Variants in NSMCE2 observed in about 807,000 individuals in gnomAD.
NSMCE2 encodes E3 SUMO-protein ligase NSE2.
In NSMCE2, 24 loss-of-function variants were observed where a neutral mutation model predicts 23.8. The observed-to-expected ratio is 1.01, with a 90% confidence interval of 0.73 to 1.42. NSMCE2 has a LOEUF of 1.42. Ranked by LOEUF, NSMCE2 falls within the 40% of genes most tolerant of loss-of-function variation. The pLI is 0.00. For synonymous variants in NSMCE2, 92 were observed against 94.1 expected (o/e 0.98, Z 0.13); for missense variants, 284 against 296.5 (o/e 0.96, Z 0.31).
rs187596386 is a variant in NSMCE2, at chr8:125,225,689, T to C, written c.418+43433T>C. Among the ~76,000 whole-genome samples, 333 of 152,364 alleles carry C rather than the reference T, an allele frequency of 2.2e-3. 7 individuals are homozygous for C. The highest frequency in any genetic ancestry group is 2.5e-3 in the Non-Finnish European group (168 of 68,028). On this transcript the variant is annotated intron_variant, in intron 5 of 7. Transcript: ENST00000287437. ...GGTATTGCCTTTTTATTTCTTGATA[T>C]ATTTTATAAGAAAATGTTTTCTCTT... is the stretch of plus-strand genomic sequence containing the variant.
chr8:125,356,453 C>T (rs577913533), intron 5 of NSMCE2, among the ~76,000 whole-genome samples: 30 of 151,488 alleles, frequency 2.0e-4, no homozygotes, highest in Middle Eastern at 3.4e-3. Flanking sequence ...CCTAGCCTCC[C>T]AAATAGCTGG....
chr8:125,254,514 C>G (rs1271120117), intron 5 of NSMCE2, among the ~76,000 whole-genome samples: 2 of 152,156 alleles, frequency 1.3e-5, no homozygotes, highest in African/African-American at 4.8e-5. Context: ...GCATGTACTT[C>G]ACCATATATA....
intron 7 of NSMCE2, among the ~76,000 whole-genome samples, chr8:125,365,758 G>A (rs1813756171): frequency 6.6e-6 from 1 of 152,154 alleles, no homozygotes; most frequent in South Asian, 2.1e-4. Context: ...TCAGGAGGCT[G>A]ATGCAGGAGA....
intron 4 of NSMCE2, among the ~76,000 whole-genome samples, chr8:125,164,037 G>A (rs1207475887): frequency 6.6e-6 from 1 of 152,178 alleles, no homozygotes; most frequent in Non-Finnish European, 1.5e-5. Flanking sequence ...CTCTCTTCTA[G>A]CTTCCCCACT....
chr8:125,182,143 T>A lies in NSMCE2; in HGVS notation c.305T>A (p.Leu102Ter). 2 of 1,602,608 alleles carry A rather than the reference T, an allele frequency of 1.2e-6. No homozygotes were observed. The highest frequency in any genetic ancestry group is 1.7e-6 in the Non-Finnish European group (2 of 1,175,722). The change falls in exon 5 of 8, where the codon TTA becomes TAA. Residue 102 changes from leucine to a stop codon, truncating the protein, a stop_gained. Coordinates refer to ENST00000287437, the MANE Select transcript of NSMCE2 (RefSeq NM_173685.4). LOFTEE classifies it high-confidence loss of function. ...ERPEKIPDLK[L>*]LVEKKFLALQ... ...CCAGAAAAAATACCAGATTTAAAAT[T>A]ATTGGTAGAGAAGAAATTTTTGGCT...
intron 5 of NSMCE2, among the ~76,000 whole-genome samples, chr8:125,200,669 G>A (rs1047240314): frequency 1.3e-5 from 2 of 152,006 alleles, no homozygotes; most frequent in African/African-American, 4.8e-5. Context: ...TGCTCTTCTC[G>A]AGGAGTATCT....
chr8:125,344,054 G>A (rs879801911), intron 5 of NSMCE2, among the ~76,000 whole-genome samples: 3 of 152,050 alleles, frequency 2.0e-5, no homozygotes, highest in Non-Finnish European at 4.4e-5. Context: ...AATACATCTA[G>A]AAAATACAAG....
intron 4 of NSMCE2, among the ~76,000 whole-genome samples, chr8:125,180,342 A>G (rs980924064): frequency 6.6e-6 from 1 of 152,226 alleles, no homozygotes; most frequent in African/African-American, 2.4e-5. Context: ...ACTCTCTTTA[A>G]TGGTGAATCC....
intron 5 of NSMCE2, among the ~76,000 whole-genome samples, chr8:125,312,713 A>C (rs1586752868): frequency 1.3e-5 from 2 of 152,238 alleles, no homozygotes; most frequent in East Asian, 3.8e-4. Flanking sequence ...GGTAGAAAGC[A>C]GACTCAACAG....
Position 125,172,752 on chromosome 8 carries a change from T to C in NSMCE2, c.265-9351T>C, listed in dbSNP as rs1247250359. ...AAAAAATAAATATGAATAGATACTT[T>C]AGTCTTAGCTTTTGCTATTGGTTCT... On this transcript the variant is annotated intron_variant, in intron 4 of 7. Transcript: ENST00000287437. Among the ~76,000 whole-genome samples, 4 of 152,258 alleles carry C rather than the reference T, an allele frequency of 2.6e-5. No homozygotes were observed. The East Asian group carries it at 7.7e-4, about 29-fold the overall frequency.
chr8:125,159,211 G>A (rs931333134), intron 4 of NSMCE2, among the ~76,000 whole-genome samples: 3 of 152,234 alleles, frequency 2.0e-5, no homozygotes, highest in Middle Eastern at 3.4e-3. Flanking sequence ...ATCAGTTATT[G>A]TTAATCTCTT....
intron 5 of NSMCE2, among the ~76,000 whole-genome samples, chr8:125,186,695 G>A (rs1291297061): frequency 6.6e-6 from 1 of 152,160 alleles, no homozygotes; most frequent in African/African-American, 2.4e-5. Context: ...CTGATATGGG[G>A]CTCTCTGGAG....
At chr8:125,343,279 A>T (rs1041734495) in intron 5 of NSMCE2, among the ~76,000 whole-genome samples, 2 of 152,182 alleles carry the variant, frequency 1.3e-5, no homozygotes, top group African/African-American at 4.8e-5. Flanking sequence ...CCTTCACTGC[A>T]CTTTATCCAA....
chr8:125,254,868 C>T (rs981052362), intron 5 of NSMCE2, among the ~76,000 whole-genome samples: 1 of 151,992 alleles, frequency 6.6e-6, no homozygotes, highest in African/African-American at 2.4e-5. Flanking sequence ...CTCATGGGCA[C>T]GTAAAGGAAT....
At chr8:125,309,248 C>CAAAAAAAAA (rs111355815) in intron 5 of NSMCE2, among the ~76,000 whole-genome samples, 2 of 65,524 alleles carry the variant, frequency 3.1e-5, no homozygotes, top group Non-Finnish European at 7.4e-5. Flanking sequence ...AACTCTGTCT[C>CAAAAAAAAA]AAAAAAAAAA....
chr8:125,290,094 A>C (rs1828049997), intron 5 of NSMCE2, among the ~76,000 whole-genome samples: 1 of 152,162 alleles, frequency 6.6e-6, no homozygotes, highest in African/African-American at 2.4e-5. Flanking sequence ...CTAGACAAGC[A>C]CCTGAGAAGC....
At chr8:125,297,719 T>G (rs1231156233) in intron 5 of NSMCE2, among the ~76,000 whole-genome samples, 10 of 151,006 alleles carry the variant, frequency 6.6e-5, no homozygotes, top group African/African-American at 2.4e-4. Context: ...CCTGTAGTCA[T>G]AGCTAGTTGG....
At chr8:125,237,218 C>T (rs1825592691) in intron 5 of NSMCE2, among the ~76,000 whole-genome samples, 1 of 152,072 alleles carries the variant, frequency 6.6e-6, no homozygotes, top group South Asian at 2.1e-4. Flanking sequence ...GAAGTGAACA[C>T]CTAATAGATT....
intron 5 of NSMCE2, among the ~76,000 whole-genome samples, chr8:125,238,581 T>C (rs1174427293): frequency 1.3e-5 from 2 of 152,188 alleles, no homozygotes; most frequent in Non-Finnish European, 2.9e-5. Flanking sequence ...TTTTTTTTCC[T>C]TTCTTTCCTG....
Sources: gnomAD v4.1 joint callset for allele counts (sites outside exome capture counted in the v4.1 genomes callset) on GRCh38, gnomAD v4.1.1 for gene constraint, MANE v1.5 for transcripts, NCBI Gene and HGNC (gene_info 2026-07-23, HGNC 2026-07-21) for gene names.